Variants in GRK5 observed in about 807,000 individuals in gnomAD.
The protein encoded by GRK5 is G protein-coupled receptor kinase 5, also known as g protein-coupled receptor kinase GRK5.
In GRK5, 40 loss-of-function variants were observed where a neutral mutation model predicts 78.4. The ratio of observed to expected loss-of-function variants is 0.51; its 90% CI spans 0.40 to 0.66. The LOEUF is 0.66. Among genes scored for constraint, GRK5 ranks in the 30% least tolerant of loss-of-function variants. GRK5 has a pLI of 0.00. For synonymous variants in GRK5, 289 were observed against 296.8 expected, an observed-to-expected ratio of 0.97 and a Z score of 0.27; for missense variants, 598 against 759.9, an observed-to-expected ratio of 0.79 and a Z score of 2.50.
At chr10:119,402,270 C>T (rs1267029447) in intron 4 of GRK5, among the ~76,000 whole-genome samples, 3 of 152,162 alleles carry the variant, frequency 2.0e-5, no homozygotes, top group African/African-American at 7.2e-5. Flanking sequence ...GCTGATTAGA[C>T]AGCCGTGAGC....
chr10:119,243,837 T>C (rs1361666363), intron 1 of GRK5, among the ~76,000 whole-genome samples: 1 of 152,226 alleles, frequency 6.6e-6, no homozygotes, highest in Non-Finnish European at 1.5e-5. Context: ...GCACCCCTGA[T>C]AGGACCTAGT....
chr10:119,404,532 A>G (rs1363243869), intron 4 of GRK5, among the ~76,000 whole-genome samples: 5 of 152,120 alleles, frequency 3.3e-5, no homozygotes, highest in African/African-American at 1.2e-4. Context: ...TTCAGCCTTC[A>G]TTTTTGTTAC....
At chr10:119,370,782 CTCTG>C (rs1168691095) in intron 2 of GRK5, among the ~76,000 whole-genome samples, 1 of 152,178 alleles carries the variant, frequency 6.6e-6, no homozygotes, top group African/African-American at 2.4e-5. Flanking sequence ...GGCTGGCAGC[CTCTG>C]TCTGATCCTC....
At chr10:119,317,347 G>GGTGTGTGTGT (rs3064482) in intron 1 of GRK5, among the ~76,000 whole-genome samples, 5 of 142,416 alleles carry the variant, frequency 3.5e-5, no homozygotes, top group Admixed American at 1.4e-4. Context: ...TCAGTAGATG[G>GGTGTGTGTGT]GTGTGTGTGT....
At chr10:119,247,561 C>T (rs188740555) in intron 1 of GRK5, among the ~76,000 whole-genome samples, 5 of 152,324 alleles carry the variant, frequency 3.3e-5, no homozygotes, top group East Asian at 3.9e-4. Context: ...AGGTCATGCA[C>T]ATGTTTAATA....
At chr10:119,454,856 A>G in intron 15 of GRK5, 113 bp from the exon 16 acceptor site, 1 of 688,300 alleles carries the variant, frequency 1.5e-6, no homozygotes. Flanking sequence ...GAGACTGCAA[A>G]AGGCAATAAA....
intron 1 of GRK5, among the ~76,000 whole-genome samples, chr10:119,233,481 C>T (rs1471127129): frequency 6.6e-6 from 1 of 151,950 alleles, no homozygotes; most frequent in African/African-American, 2.4e-5. Flanking sequence ...AGAATAAAGG[C>T]GGCATAGCAC....
At chr10:119,439,116 C>G (rs1025608096) in intron 9 of GRK5, among the ~76,000 whole-genome samples, 79 of 152,264 alleles carry the variant, frequency 5.2e-4, no homozygotes, top group African/African-American at 1.8e-3. Flanking sequence ...CTCCCCTCAT[C>G]CTGGGAATGC....
rs1453707623 is a variant in GRK5 at position 119,323,672 on chromosome 10, G to A, written c.53-2844G>A. ...CCTGGCTGTGGGAGAGACGTCCAAG[G>A]TCTGGATTTCGATGTGAAATCTCCT... is the stretch of plus-strand genomic sequence containing the variant. On this transcript the variant is annotated intron_variant, in intron 1 of 15. Coordinates refer to ENST00000392870, the MANE Select transcript of GRK5 (RefSeq NM_005308.3). Among the ~76,000 whole-genome samples the A allele has an allele frequency of 2.6e-5, 4 of 152,294 alleles. No individual in the cohort carries two copies. The East Asian group carries it at 7.7e-4, about 29-fold the overall frequency.
chr10:119,209,344 G>A (rs1489351722), intron 1 of GRK5, among the ~76,000 whole-genome samples: 1 of 152,174 alleles, frequency 6.6e-6, no homozygotes, highest in Non-Finnish European at 1.5e-5. Flanking sequence ...AAGGGAGGCA[G>A]TGCTTTGAAA....
At position 119,217,979 on chromosome 10, in the gene GRK5, G is replaced by A. The variant is rs1207925805; in HGVS notation, c.52+10010G>A. 2.0e-5 allele frequency among the ~76,000 whole-genome samples: 3 copies of A among 152,102 alleles called. No individual in the cohort carries two copies. Among genetic ancestry groups the A allele is most frequent in the Admixed American group, 6.6e-5 (1 of 15,260 alleles). Reference sequence around the variant, plus strand: ...CCTCACCAAAGAGAGGGTATGAAGTGGCCTTTTCCCCCAGAAAAGCTCTCT... The same window carrying A: ...CCTCACCAAAGAGAGGGTATGAAGTAGCCTTTTCCCCCAGAAAAGCTCTCT... On this transcript the variant is annotated intron_variant, in intron 1 of 15. Transcript: ENST00000392870. The surrounding 1 kb of genome is among the most constrained non-coding windows in gnomAD (Gnocchi z 4.1).
chr10:119,387,253 C>T (rs1851815294), intron 3 of GRK5, among the ~76,000 whole-genome samples: 1 of 152,192 alleles, frequency 6.6e-6, no homozygotes, highest in Admixed American at 6.5e-5. Flanking sequence ...ATCCGCCTGC[C>T]TCAGCCTCTC....
intron 1 of GRK5, among the ~76,000 whole-genome samples, chr10:119,315,277 T>C (rs1850467382): frequency 6.6e-6 from 1 of 152,328 alleles, no homozygotes; most frequent in Admixed American, 6.5e-5. Context: ...ATGTTGCTTC[T>C]GAAAAGGCTT....
At chr10:119,363,131 A>T (rs1055801144) in intron 2 of GRK5, among the ~76,000 whole-genome samples, 8 of 151,868 alleles carry the variant, frequency 5.3e-5, no homozygotes, top group African/African-American at 1.4e-4. Context: ...AATACAAAAA[A>T]TTATCTGGGA....
Position 119,431,979 on chromosome 10 carries a change from GTAACACATTTGCCCC to G in GRK5, c.738+453_738+467del, listed in dbSNP as rs1353653059. On this transcript the variant is annotated intron_variant, in intron 8 of 15. Transcript: ENST00000392870. The surrounding 1 kb of genome is among the most constrained non-coding windows in gnomAD (Gnocchi z 4.8). ...TCAGTCTAGGCTGGGCCCTGCTGCA[GTAACACATTTGCCCC>G]AAACCCTAAGTAGCTAAATACAGCA... Among the ~76,000 whole-genome samples, 5 of 152,228 alleles carry G rather than the reference GTAACACATTTGCCCC, an allele frequency of 3.3e-5. No homozygotes were observed. The highest frequency in any genetic ancestry group is 7.3e-5 in the Non-Finnish European group (5 of 68,034).
intron 2 of GRK5, among the ~76,000 whole-genome samples, chr10:119,343,995 A>G (rs1851028829): frequency 6.6e-6 from 1 of 152,112 alleles, no homozygotes; most frequent in Non-Finnish European, 1.5e-5. Context: ...GCTAAGGCTC[A>G]GGTAATGCCA....
chr10:119,326,941 C>T (rs768557832), intron 2 of GRK5, among the ~76,000 whole-genome samples: 20 of 152,246 alleles, frequency 1.3e-4, no homozygotes, highest in Non-Finnish European at 2.4e-4. Flanking sequence ...GGTTCTGTAA[C>T]GGCCCAAAGT....
Position 119,430,449 on chromosome 10 carries a change from A to G in GRK5, c.597+11A>G, listed in dbSNP as rs1852792676. 2.5e-6 allele frequency: 4 copies of G among 1,608,212 alleles called. No individual in the cohort carries two copies. Among genetic ancestry groups the G allele is most frequent in the East Asian group, 4.5e-5 (2 of 44,694 alleles). ...GGGGGCTTCGGGGAGGTGAGTGAAC[A>G]TTCACGTTTTTAATTGAAAGTTCTT... On this transcript the variant is annotated intron_variant, in intron 7 of 15. Transcript: ENST00000392870. This position sits in a 1 kb window ranked among gnomAD's most constrained non-coding sequence, Gnocchi z 4.5.
chr10:119,387,643 G>T (rs1341912514), intron 3 of GRK5, among the ~76,000 whole-genome samples: 1 of 152,246 alleles, frequency 6.6e-6, no homozygotes, highest in East Asian at 1.9e-4. Context: ...CAAAGAGTCT[G>T]TGGCATCTTG....
Sources: allele counts gnomAD v4.1 joint callset (sites outside exome capture counted in the v4.1 genomes callset), GRCh38; gene constraint gnomAD v4.1.1; non-coding constraint Gnocchi (gnomAD v3.1); transcripts MANE v1.5; gene names NCBI Gene and HGNC (gene_info 2026-07-23, HGNC 2026-07-21).